LMBR1: variants seen among roughly 807,000 people sequenced by gnomAD.
The protein encoded by LMBR1 is limb region 1 protein homolog.
Under a neutral mutation model 73.9 loss-of-function variants are expected in LMBR1, and 52 were observed. That is an observed-to-expected ratio of 0.70 (90% CI 0.56 to 0.89). The LOEUF is 0.89. Ranked by LOEUF, LMBR1 falls within the 40% of genes least tolerant of loss-of-function variation. The probability of loss-of-function intolerance (pLI) is 0.00; values close to 1 mark genes in which losing one functional copy is unlikely to be tolerated. For synonymous variants in LMBR1, 215 were observed against 209.4 expected (o/e 1.03, Z -0.23); for missense variants, 539 against 579.8 (o/e 0.93, Z 0.72).
intron 1 of LMBR1, among the ~76,000 whole-genome samples, chr7:156,846,061 T>C (rs1336040209): frequency 6.6e-6 from 1 of 151,782 alleles, no homozygotes; most frequent in East Asian, 1.9e-4. Flanking sequence ...CCAAAAGTGA[T>C]CACTTAACGA....
intron 1 of LMBR1, among the ~76,000 whole-genome samples, chr7:156,885,893 T>C (rs1261925719): frequency 6.7e-6 from 1 of 148,644 alleles, no homozygotes; most frequent in African/African-American, 2.5e-5. Context: ...TAAATAAAAT[T>C]AGCCAGGCAT....
rs183793211 is a variant in LMBR1, at chr7:156,713,254, T to C, written c.1225+10858A>G. Among the ~76,000 whole-genome samples the C allele has an allele frequency of 5.3e-5, 8 of 151,878 alleles. No individual in the cohort carries two copies. In the East Asian group the frequency reaches 9.7e-4, roughly 18 times the overall value. ...GGTGAGAGAGAGAGAGAGGGATAAA[T>C]AGACAGGGCACGGAGGATTTTTAGG... On this transcript the variant is annotated intron_variant, in intron 15 of 16. Transcript: ENST00000353442.
intron 1 of LMBR1, chr7:156,872,202 G>C (rs1799405293): frequency 6.6e-6 from 1 of 151,668 alleles, no homozygotes. Flanking sequence ...GGCAATTTTT[G>C]ACAGTCTCCA....
intron 1 of LMBR1, among the ~76,000 whole-genome samples, chr7:156,876,912 C>A (rs568697096): frequency 6.6e-5 from 10 of 152,038 alleles, no homozygotes; most frequent in African/African-American, 2.2e-4. Context: ...CCTCAAGGAA[C>A]TAGAGAAACA....
intron 10 of LMBR1, among the ~76,000 whole-genome samples, chr7:156,732,993 A>G (rs190482553): frequency 6.6e-6 from 1 of 152,186 alleles, no homozygotes; most frequent in East Asian, 1.9e-4. Flanking sequence ...AAAACACAAA[A>G]AATTAGCAAG....
chr7:156,704,381 C>T (rs2132098465), intron 15 of LMBR1, among the ~76,000 whole-genome samples: 2 of 152,300 alleles, frequency 1.3e-5, no homozygotes, highest in Middle Eastern at 6.8e-3. Context: ...TATCACTGCA[C>T]ATCCTGAAAC....
intron 4 of LMBR1, among the ~76,000 whole-genome samples, chr7:156,801,064 T>C (rs1370180890): frequency 1.2e-4 from 18 of 152,188 alleles, no homozygotes. Flanking sequence ...ACTTAGAATA[T>C]CATAAACTTA....
chr7:156,868,067 C>T (rs1246919715), intron 1 of LMBR1, among the ~76,000 whole-genome samples: 1 of 151,524 alleles, frequency 6.6e-6, no homozygotes, highest in Non-Finnish European at 1.5e-5. Flanking sequence ...AAAAATGAAC[C>T]AAGGACTGTG....
intron 1 of LMBR1, 138 bp from the exon 2 acceptor site, chr7:156,837,023 A>G (rs1021218087): frequency 5.1e-5 from 32 of 632,656 alleles, no homozygotes; most frequent in Non-Finnish European, 1.3e-5. Context: ...TTTACTCATT[A>G]AAGTTTTAAT....
chr7:156,763,246 ACG>A, intron 6 of LMBR1, 70 bp from the exon 7 acceptor site: 1 of 661,770 alleles, frequency 1.5e-6, no homozygotes, highest in Non-Finnish European at 2.5e-6. Context: ...AGTCTATCTT[ACG>A]ATAAGATAGA....
chr7:156,694,778 G>T (rs1807939049), intron 15 of LMBR1, among the ~76,000 whole-genome samples: 1 of 152,064 alleles, frequency 6.6e-6, no homozygotes, highest in South Asian at 2.1e-4. Flanking sequence ...CACTAAGAAT[G>T]GACTTTCCAA....
At chr7:156,878,997 G>A (rs1383868397) in intron 1 of LMBR1, among the ~76,000 whole-genome samples, 2 of 152,162 alleles carry the variant, frequency 1.3e-5, no homozygotes, top group Admixed American at 1.3e-4. Context: ...GCCACATGTA[G>A]GAGAATGAAA....
chr7:156,869,339 G>A (rs985899168), intron 1 of LMBR1, among the ~76,000 whole-genome samples: 1 of 152,004 alleles, frequency 6.6e-6, no homozygotes, highest in African/African-American at 2.4e-5. Context: ...TAAGGCTCTC[G>A]GAGACTTTAT....
At chr7:156,699,642 T>C (rs1182179097) in intron 15 of LMBR1, among the ~76,000 whole-genome samples, 1 of 151,896 alleles carries the variant, frequency 6.6e-6, no homozygotes, top group African/African-American at 2.4e-5. Context: ...GAGAAAATTT[T>C]TGCAACCTAC....
chr7:156,891,917 A>G, intron 1 of LMBR1, among the ~76,000 whole-genome samples: 1 of 152,256 alleles, frequency 6.6e-6, no homozygotes, highest in East Asian at 1.9e-4. Flanking sequence ...TACACAAATT[A>G]GATAATTCTA....
intron 15 of LMBR1, among the ~76,000 whole-genome samples, chr7:156,703,125 G>T (rs1166004109): frequency 6.6e-6 from 1 of 152,212 alleles, no homozygotes; most frequent in African/African-American, 2.4e-5. Context: ...AGGAAACCAT[G>T]AGAAGAAACT....
chr7:156,861,582 T>C (rs908926899), intron 1 of LMBR1, among the ~76,000 whole-genome samples: 2 of 152,226 alleles, frequency 1.3e-5, no homozygotes, highest in Non-Finnish European at 2.9e-5. Context: ...AATGGGGTTT[T>C]CTTTTCTATC....
chr7:156,669,460 G>A lies in LMBR1; in HGVS notation n.867-173C>T, dbSNP rs945461600. Among the ~76,000 whole-genome samples the A allele has an allele frequency of 5.9e-5, 9 of 152,136 alleles. No individual in the cohort carries two copies. Among genetic ancestry groups the A allele is most frequent in the East Asian group, 1.9e-4 (1 of 5,186 alleles). Reference sequence around the variant, plus strand: ...TGAACCCAAATGGAGGAACCGTGCCGTTCCCTGGAACCTCTGTCCAGGCAG... The same window carrying A: ...TGAACCCAAATGGAGGAACCGTGCCATTCCCTGGAACCTCTGTCCAGGCAG... On this transcript the variant is annotated intron_variant and non_coding_transcript_variant, in intron 4 of 4. Coordinates refer to the LMBR1 transcript ENST00000430825. This position sits in a 1 kb window ranked among gnomAD's most constrained non-coding sequence, Gnocchi z 4.2.
intron 12 of LMBR1, among the ~76,000 whole-genome samples, chr7:156,726,825 G>C (rs12697994): frequency 6.6e-6 from 1 of 151,444 alleles, no homozygotes; most frequent in East Asian, 2.0e-4. Flanking sequence ...GGTGCCCCCC[G>C]CAACCCACCC....
Sources: allele counts gnomAD v4.1 joint callset (sites outside exome capture counted in the v4.1 genomes callset), GRCh38; gene constraint gnomAD v4.1.1; non-coding constraint Gnocchi (gnomAD v3.1); transcripts MANE v1.5; gene names NCBI Gene and HGNC (gene_info 2026-07-23, HGNC 2026-07-21).